KCNQ3: variants seen among roughly 807,000 people sequenced by gnomAD.
KCNQ3 encodes potassium voltage-gated channel subfamily Q member 3, also known as potassium voltage-gated channel subfamily KQT member 3.
In KCNQ3, 30 loss-of-function variants were observed where a neutral mutation model predicts 92.5. The ratio of observed to expected loss-of-function variants is 0.32; its 90% CI spans 0.24 to 0.44. The LOEUF (loss-of-function observed/expected upper bound fraction) is 0.44, where lower values mean the gene tolerates loss of function less well. Ranked by LOEUF, KCNQ3 falls within the 20% of genes least tolerant of loss-of-function variation. The pLI is 1.00. For missense variants in KCNQ3, 913 were observed against 1,140.3 expected, an observed-to-expected ratio of 0.80 and a Z score of 2.87; for synonymous variants, 450 against 468.8, an observed-to-expected ratio of 0.96 and a Z score of 0.52.
Position 132,184,152 on chromosome 8 carries a change from C to G in KCNQ3, c.604+89G>C, listed in dbSNP as rs572430993. 4.5e-6 allele frequency: 7 copies of G among 1,556,092 alleles called. 1 individual carries two copies. The South Asian group carries it at 7.8e-5, about 17-fold the overall frequency. ...GGCCTCCACAGTGCCGCGTGATTTC[C>G]CAGAATAGCTGCTTAAACTTTTCTC... On this transcript the variant is annotated intron_variant, in intron 3 of 14. Transcript: ENST00000388996.
At chr8:132,442,997 G>A (rs1587024697) in intron 1 of KCNQ3, among the ~76,000 whole-genome samples, 1 of 152,302 alleles carries the variant, frequency 6.6e-6, no homozygotes, top group East Asian at 1.9e-4. Context: ...GGCCGAAGCA[G>A]CTCAGGCCAT....
rs1392448165 is a variant in KCNQ3 at position 132,186,946 on chromosome 8, GAGAGAGAGAC to G, written c.387-775_387-766del. On this transcript the variant is annotated intron_variant, in intron 1 of 14. Coordinates refer to ENST00000388996, the MANE Select transcript of KCNQ3 (RefSeq NM_004519.4). ...TGTGTGTGTGTGTGAGAGAGAGAGA[GAGAGAGAGAC>G]AGAGAGAGAGAGAGAGAGAGAGAGA... Among the ~76,000 whole-genome samples, 1,040 of 117,648 alleles carry G rather than the reference GAGAGAGAGAC, an allele frequency of 8.8e-3. 18 individuals are homozygous for G. Among genetic ancestry groups the G allele is most frequent in the African/African-American group, 0.036 (980 of 27,354 alleles). The allele number at this position is 117,648 out of a possible 152,430, so 77.2% of individuals were successfully genotyped here.
At chr8:132,294,102 G>A (rs1337976980) in intron 1 of KCNQ3, among the ~76,000 whole-genome samples, 1 of 148,570 alleles carries the variant, frequency 6.7e-6, no homozygotes, top group Non-Finnish European at 1.5e-5. Flanking sequence ...CCGGGTTCAC[G>A]CCATTCTCCT....
intron 1 of KCNQ3, among the ~76,000 whole-genome samples, chr8:132,190,015 A>G (rs1444360547): frequency 1.3e-5 from 2 of 152,074 alleles, no homozygotes; most frequent in Non-Finnish European, 2.9e-5. Context: ...CAAGCCATCA[A>G]CCACAGCCTC....
At chr8:132,408,837 G>T (rs1329239970) in intron 1 of KCNQ3, among the ~76,000 whole-genome samples, 1 of 152,136 alleles carries the variant, frequency 6.6e-6, no homozygotes, top group Non-Finnish European at 1.5e-5. Context: ...AGATAACAAG[G>T]CCTCGGTCCT....
chr8:132,365,668 T>C (rs1369006533), intron 1 of KCNQ3, among the ~76,000 whole-genome samples: 1 of 152,216 alleles, frequency 6.6e-6, no homozygotes, highest in Non-Finnish European at 1.5e-5. Flanking sequence ...TGAATGCTGA[T>C]AATAAATGTA....
At chr8:132,430,146 T>G (rs1413048302) in intron 1 of KCNQ3, among the ~76,000 whole-genome samples, 1 of 151,842 alleles carries the variant, frequency 6.6e-6, no homozygotes, top group Non-Finnish European at 1.5e-5. Context: ...GAGCTGTCTC[T>G]TCACAGAAAT....
intron 9 of KCNQ3, among the ~76,000 whole-genome samples, chr8:132,147,457 A>C (rs1438218960): frequency 1.3e-5 from 2 of 152,226 alleles, no homozygotes; most frequent in Non-Finnish European, 2.9e-5. Context: ...GCATCGTGTC[A>C]AGTAAGAAGT....
chr8:132,229,026 C>T (rs1173318479), intron 1 of KCNQ3, among the ~76,000 whole-genome samples: 1 of 152,100 alleles, frequency 6.6e-6, no homozygotes, highest in Non-Finnish European at 1.5e-5. Context: ...GAGGCCAAGG[C>T]AGATGGATCA....
In KCNQ3 at chr8:132,190,253, A is replaced by G. The variant is rs1827119488; in HGVS notation, c.387-4072T>C. The stretch of plus-strand genomic sequence containing the variant: ...TGGGCATGCCCTAAGGTAATCTCCA[A>G]TGAGTCAGGCAGTTGCATAATTGTC... On this transcript the variant is annotated intron_variant, in intron 1 of 14. Transcript: ENST00000388996. Among the ~76,000 whole-genome samples, 3 of 152,312 alleles carry G rather than the reference A, an allele frequency of 2.0e-5. 1 individual carries two copies.
chr8:132,273,772 TA>T (rs1275118517), intron 1 of KCNQ3, among the ~76,000 whole-genome samples: 4 of 152,226 alleles, frequency 2.6e-5, no homozygotes, highest in African/African-American at 9.7e-5. Flanking sequence ...ATACTCTAAA[TA>T]AACTCTCTCA....
intron 9 of KCNQ3, among the ~76,000 whole-genome samples, chr8:132,143,444 A>G (rs1393066863): frequency 2.0e-5 from 3 of 152,188 alleles, no homozygotes; most frequent in Admixed American, 1.3e-4. Flanking sequence ...CTGCCTGGCT[A>G]TCTTTGAACA....
chr8:132,272,505 G>C lies in KCNQ3; in HGVS notation c.387-86324C>G, dbSNP rs150902665. Among the ~76,000 whole-genome samples the C allele has an allele frequency of 1.3e-3, 199 of 152,306 alleles. 2 individuals are homozygous for C. Among genetic ancestry groups the C allele is most frequent in the African/African-American group, 4.6e-3 (190 of 41,552 alleles). On this transcript the variant is annotated intron_variant, in intron 1 of 14. Transcript: ENST00000388996. ...AGTCCATTTTCATGCTGTTGATAAA[G>C]ACATACCCGAGAGTGGGAAGAAAAA...
rs373830701 is a variant in KCNQ3 at position 132,140,063 on chromosome 8, G to A, written c.1568+13C>T. On this transcript the variant is annotated intron_variant, in intron 11 of 14. Coordinates refer to ENST00000388996, the MANE Select transcript of KCNQ3 (RefSeq NM_004519.4). The stretch of plus-strand genomic sequence containing the variant: ...GAGGCACACAGGCACAGGTGGGACC[G>A]TGGGGGCATTACCTGACGGCTCGGA... The A allele has an allele frequency of 2.2e-5, 35 of 1,567,730 alleles. No individual in the cohort carries two copies. The highest frequency in any genetic ancestry group is 3.6e-5 in the South Asian group (3 of 83,780).
chr8:132,337,461 A>G (rs1332904178), intron 1 of KCNQ3, among the ~76,000 whole-genome samples: 2 of 152,138 alleles, frequency 1.3e-5, no homozygotes, highest in Admixed American at 1.3e-4. Flanking sequence ...TTGTGATCGT[A>G]TCACTGTACT....
At chr8:132,179,794 C>A (rs1392072539) in intron 4 of KCNQ3, among the ~76,000 whole-genome samples, 3 of 152,106 alleles carry the variant, frequency 2.0e-5, no homozygotes, top group African/African-American at 7.2e-5. Flanking sequence ...CTGCATGTGG[C>A]CTTGAATGAG....
Position 132,237,091 on chromosome 8 carries a change from C to T in KCNQ3, c.387-50910G>A, listed in dbSNP as rs78680505. Reference sequence around the variant, plus strand: ...TGCACAGAGAATCTAGCAATGTTATCCCCAGATTTTTGACCTATAGAGCAT... The same window carrying T: ...TGCACAGAGAATCTAGCAATGTTATTCCCAGATTTTTGACCTATAGAGCAT... On this transcript the variant is annotated intron_variant, in intron 1 of 14. Coordinates refer to ENST00000388996, the MANE Select transcript of KCNQ3 (RefSeq NM_004519.4). 3.3e-3 allele frequency among the ~76,000 whole-genome samples: 502 copies of T among 152,290 alleles called. 2 individuals carry two copies. Among genetic ancestry groups the T allele is most frequent in the Non-Finnish European group, 5.8e-3 (392 of 68,020 alleles).
At chr8:132,294,966 A>G (rs1167871148) in intron 1 of KCNQ3, among the ~76,000 whole-genome samples, 1 of 152,218 alleles carries the variant, frequency 6.6e-6, no homozygotes, top group African/African-American at 2.4e-5. Context: ...AGGCAATACA[A>G]TTCAGGACAT....
intron 1 of KCNQ3, among the ~76,000 whole-genome samples, chr8:132,324,937 C>A (rs1817998009): frequency 6.6e-6 from 1 of 151,762 alleles, no homozygotes; most frequent in Non-Finnish European, 1.5e-5. Context: ...TAGAGGCTCG[C>A]CAGCCTGAAA....
Sources: gnomAD v4.1 joint callset for allele counts (sites outside exome capture counted in the v4.1 genomes callset) on GRCh38, gnomAD v4.1.1 for gene constraint, MANE v1.5 for transcripts, NCBI Gene and HGNC (gene_info 2026-07-23, HGNC 2026-07-21) for gene names.